Variants in PRDM2 observed in about 807,000 individuals in gnomAD.
PRDM2 encodes PR/SET domain 2.
Under a neutral mutation model 130.0 loss-of-function variants are expected in PRDM2, and 30 were observed. That is an observed-to-expected ratio of 0.23 (90% CI 0.17 to 0.31). The LOEUF (loss-of-function observed/expected upper bound fraction) is 0.31, where lower values mean the gene tolerates loss of function less well. Ranked by LOEUF, PRDM2 falls within the 10% of genes least tolerant of loss-of-function variation. The pLI is 1.00. For synonymous variants in PRDM2, 871 were observed against 782.4 expected (o/e 1.11, Z -1.89); for missense variants, 2,011 against 2,108.4 (o/e 0.95, Z 0.90).
chr1:13,749,431 T>C lies in PRDM2; in HGVS notation c.455T>C (p.Ile152Thr), dbSNP rs746196158. The stretch of plus-strand genomic sequence containing the variant: ...GACAACCCTGAGATAGCAGCTGCGA[T>C]TGAGGAAGAGCGAGCCAGCGCCCGG... Reference protein sequence around the residue: ...GEDNPEIAAAIEEERASARSK... With the variant: ...GEDNPEIAAATEEERASARSK... Residue 152 changes from isoleucine to threonine, a missense_variant, in exon 6 of 10, where the codon ATT becomes ACT. By Grantham distance (89) the Ile-to-Thr change is moderately conservative. Coordinates refer to ENST00000311066, the MANE Select transcript of PRDM2 (RefSeq NM_001393986.1). The C allele has an allele frequency of 1.3e-6, 2 of 1,510,880 alleles. No individual in the cohort carries two copies. The highest frequency in any genetic ancestry group is 1.8e-5 in the Admixed American group (1 of 55,006). The allele number at this position is 1,510,880 out of a possible 1,614,324, so 93.6% of individuals were successfully genotyped here. A position where few individuals can be genotyped will look rare whatever the true frequency, so the allele number is the denominator to read the frequency against.
intron 6 of PRDM2, among the ~76,000 whole-genome samples, chr1:13,749,936 G>A (rs1352811996): frequency 3.3e-5 from 5 of 152,160 alleles, no homozygotes; most frequent in Admixed American, 2.0e-4. Context: ...CGCCGCGCAG[G>A]ACGCGGGCCG....
At chr1:13,783,246 C>T (rs368196091) in intron 8 of PRDM2, 32 of 477,020 alleles carry the variant, frequency 6.7e-5, no homozygotes, top group African/African-American at 6.3e-4. Flanking sequence ...AACCATGTTA[C>T]AATCTTGTTT....
At chr1:13,729,750 G>A (rs1422223040) in intron 2 of PRDM2, among the ~76,000 whole-genome samples, 1 of 152,160 alleles carries the variant, frequency 6.6e-6, no homozygotes, top group Non-Finnish European at 1.5e-5. Flanking sequence ...GCATTTGTGT[G>A]TCTGAAATGG....
chr1:13,816,035 G>C (rs1013002492), intron 8 of PRDM2, among the ~76,000 whole-genome samples: 67 of 152,278 alleles, frequency 4.4e-4, no homozygotes, highest in African/African-American at 1.5e-3. Context: ...CAGGGAGGCA[G>C]GTGGGGAAAT....
chr1:13,750,675 G>A (rs1398861467), intron 6 of PRDM2, among the ~76,000 whole-genome samples: 4 of 152,066 alleles, frequency 2.6e-5, no homozygotes, highest in Non-Finnish European at 5.9e-5. Context: ...GCCTATTACT[G>A]AATATGCATT....
At chr1:13,766,769 G>A (rs1053175406) in intron 6 of PRDM2, among the ~76,000 whole-genome samples, 5 of 152,174 alleles carry the variant, frequency 3.3e-5, no homozygotes, top group African/African-American at 1.2e-4. Context: ...GCTCCCCAGT[G>A]AGGAGGCAGC....
At chr1:13,754,536 C>CA (rs199597695) in intron 6 of PRDM2, among the ~76,000 whole-genome samples, 2,509 of 152,374 alleles carry the variant, frequency 0.016, 34 homozygotes, top group South Asian at 0.04. Flanking sequence ...TCCACTCCTA[C>CA]ATGCAGTTGA....
intron 2 of PRDM2, among the ~76,000 whole-genome samples, chr1:13,722,239 GC>G (rs1210477826): frequency 1.3e-5 from 2 of 152,188 alleles, no homozygotes; most frequent in Non-Finnish European, 2.9e-5. Context: ...AATCAGAAAA[GC>G]CAGCGGTCGT....
At chr1:13,793,951 C>T (rs939976169) in intron 8 of PRDM2, among the ~76,000 whole-genome samples, 2 of 152,318 alleles carry the variant, frequency 1.3e-5, no homozygotes, top group Non-Finnish European at 1.5e-5. Flanking sequence ...CATTGATTCT[C>T]CTGGGATCCC....
At chr1:13,734,425 C>G (rs1643205211) in intron 4 of PRDM2, among the ~76,000 whole-genome samples, 1 of 152,204 alleles carries the variant, frequency 6.6e-6, no homozygotes, top group Admixed American at 6.5e-5. Context: ...GTTTATAACA[C>G]TAATCTTGAA....
chr1:13,795,259 T>C (rs1258361552), intron 8 of PRDM2, among the ~76,000 whole-genome samples: 1 of 152,218 alleles, frequency 6.6e-6, no homozygotes, highest in Admixed American at 6.5e-5. Flanking sequence ...GGCCACGATG[T>C]AAATAAAGGG....
At chr1:13,740,939 GT>G (rs1643419751) in intron 4 of PRDM2, among the ~76,000 whole-genome samples, 1 of 152,186 alleles carries the variant, frequency 6.6e-6, no homozygotes, top group African/African-American at 2.4e-5. Flanking sequence ...ATTAATGTGG[GT>G]ACGGGAGGGA....
chr1:13,760,222 C>T (rs543443156), intron 6 of PRDM2, among the ~76,000 whole-genome samples: 1 of 152,090 alleles, frequency 6.6e-6, no homozygotes, highest in East Asian at 1.9e-4. Context: ...AGACAGGATC[C>T]TATAAATCTC....
At chr1:13,708,382 A>C (rs2100390319) in intron 1 of PRDM2, among the ~76,000 whole-genome samples, 1 of 152,276 alleles carries the variant, frequency 6.6e-6, no homozygotes, top group South Asian at 2.1e-4. Context: ...CTATAAACTT[A>C]AATATATCAA....
intron 1 of PRDM2, among the ~76,000 whole-genome samples, chr1:13,702,818 A>G (rs1030187630): frequency 2.0e-5 from 3 of 152,146 alleles, no homozygotes; most frequent in Non-Finnish European, 4.4e-5. Context: ...TGCAGAAAAA[A>G]AACCAAAACA....
chr1:13,779,072 C>T lies in PRDM2; in HGVS notation c.1277C>T (p.Pro426Leu), dbSNP rs374851380. Residue 426 changes from proline to leucine, a missense_variant, in exon 8 of 10, where the codon CCG becomes CTG. Physicochemically the swap from Pro to Leu is moderately conservative, Grantham distance 98. Around this residue, in one of 5 missense-constraint regions of PRDM2, gnomAD observed 1,288 missense variants for 1,237.7 expected, o/e 1.04. Transcript: ENST00000311066. This position sits in a 1 kb window ranked among gnomAD's most constrained non-coding sequence, Gnocchi z 4.9. ...CGGAAACCCAGCCAAACACTACAGC[C>T]GTCAGAGGATCTGGCTGATGGCAAA... ...LKRKPSQTLQ[P>L]SEDLADGKAS... 134 of 1,614,034 alleles carry T rather than the reference C, an allele frequency of 8.3e-5. No homozygotes were observed. The highest frequency in any genetic ancestry group is 2.8e-4 in the Admixed American group (17 of 60,002).
intron 5 of PRDM2, among the ~76,000 whole-genome samples, chr1:13,747,993 G>A (rs1029449177): frequency 1.3e-5 from 2 of 152,142 alleles, no homozygotes; most frequent in South Asian, 4.1e-4. Context: ...TGGTACCTTA[G>A]TCTTTGTCTT....
At position 13,778,854 on chromosome 1, in the gene PRDM2, T is replaced by C. The variant is rs370269830; in HGVS notation, c.1059T>C (p.Asp353=). 8.9e-5 allele frequency: 143 copies of C among 1,614,116 alleles called. No homozygotes were observed. The highest frequency in any genetic ancestry group is 1.2e-4 in the Non-Finnish European group (139 of 1,180,062). The change falls in exon 8 of 10, where the codon GAT becomes GAC. Residue 353 remains aspartate, a synonymous_variant. Coordinates refer to ENST00000311066, the MANE Select transcript of PRDM2 (RefSeq NM_001393986.1). ...IPRTKEEANG[D]VFETFMFPCQ... ...GAACTAAAGAAGAGGCCAATGGTGA[T>C]GTATTTGAAACGTTTATGTTTCCGT...
Position 13,771,486 on chromosome 1 carries a change from C to G in PRDM2, c.512-1592C>G, listed in dbSNP as rs1361662135. Among the ~76,000 whole-genome samples the G allele has an allele frequency of 6.6e-6, 1 of 152,152 alleles. No homozygotes were observed. The highest frequency in any genetic ancestry group is 2.1e-4 in the South Asian group (1 of 4,836). On this transcript the variant is annotated intron_variant, in intron 6 of 9. Transcript: ENST00000311066. The surrounding 1 kb of genome is among the most constrained non-coding windows in gnomAD (Gnocchi z 4.1). ...GTGGCTCATGCCTGTAATCCCAGCA[C>G]TCTGGGAGGCCGAGGCAGGCGGATC...
Sources: allele counts gnomAD v4.1 joint callset (sites outside exome capture counted in the v4.1 genomes callset), GRCh38; gene constraint gnomAD v4.1.1; regional missense constraint gnomAD v4.1.1; non-coding constraint Gnocchi (gnomAD v3.1); transcripts MANE v1.5; gene names NCBI Gene and HGNC (gene_info 2026-07-23, HGNC 2026-07-21).